Variants in AKAP6 observed in about 807,000 individuals in gnomAD.
AKAP6 encodes the protein A-kinase anchor protein 6.
A neutral mutation model predicts 188.5 loss-of-function variants in AKAP6; 58 were observed. The ratio of observed to expected loss-of-function variants is 0.31; its 90% CI spans 0.25 to 0.38. The LOEUF (loss-of-function observed/expected upper bound fraction) is 0.38. Among genes scored for constraint, AKAP6 ranks in the 10% least tolerant of loss-of-function variants. AKAP6 has a pLI of 1.00. For synonymous variants in AKAP6, 989 were observed against 998.6 expected (o/e 0.99, Z 0.18); for missense variants, 2,710 against 2,740.0 (o/e 0.99, Z 0.24).
rs1353470930 is a variant in AKAP6, at chr14:32,444,002, A to T, written c.324+10185A>T. On this transcript the variant is annotated intron_variant, in intron 2 of 13. Transcript: ENST00000280979. ...TTTTCTTGTCTGGAGCCAAGGCATG[A>T]TGGGAGGTATATACATATTATTGAG... Among the ~76,000 whole-genome samples, 4 of 152,144 alleles carry T rather than the reference A, an allele frequency of 2.6e-5. No individual in the cohort carries two copies. The South Asian group carries it at 8.3e-4, about 32-fold the overall frequency.
At chr14:32,709,708 C>T (rs1890960317) in intron 9 of AKAP6, among the ~76,000 whole-genome samples, 2 of 152,042 alleles carry the variant, frequency 1.3e-5, no homozygotes, top group African/African-American at 4.8e-5. Flanking sequence ...GTTTAACTCT[C>T]CCTTTCCTGA....
intron 1 of AKAP6, among the ~76,000 whole-genome samples, chr14:32,372,454 G>A (rs760799854): frequency 3.8e-4 from 58 of 151,962 alleles, no homozygotes; most frequent in Admixed American, 1.1e-3. Flanking sequence ...TAATGGGTAA[G>A]AAGTACTAGT....
intron 1 of AKAP6, among the ~76,000 whole-genome samples, chr14:32,361,077 A>C (rs1887648039): frequency 8.2e-6 from 1 of 121,776 alleles, no homozygotes; most frequent in Non-Finnish European, 1.8e-5. Flanking sequence ...TATATTTGAG[A>C]AGCTTTGGAG....
chr14:32,615,536 C>G (rs372119735), intron 7 of AKAP6, among the ~76,000 whole-genome samples: 21 of 150,138 alleles, frequency 1.4e-4, no homozygotes, highest in African/African-American at 4.4e-4. Flanking sequence ...ATTTCTCTAC[C>G]TATTGAATCT....
In AKAP6 at chr14:32,622,194, AT is replaced by A. The variant is rs140713759; in HGVS notation, c.2730+21403del. ...AGCTACTTACTGCTTCATAATTTTAATGTATGTCACCAATATTTTTAAATAA... is the reference window on the plus strand; with the variant it reads ...AGCTACTTACTGCTTCATAATTTTAAGTATGTCACCAATATTTTTAAATAA... On this transcript the variant is annotated intron_variant, in intron 7 of 13. Transcript: ENST00000280979. Among the ~76,000 whole-genome samples the A allele has an allele frequency of 6.4e-3, 967 of 152,256 alleles. 15 individuals are homozygous for A. The highest frequency in any genetic ancestry group is 0.022 in the African/African-American group (902 of 41,550).
chr14:32,441,473 T>C (rs1054171177), intron 2 of AKAP6, among the ~76,000 whole-genome samples: 9 of 152,214 alleles, frequency 5.9e-5, no homozygotes, highest in African/African-American at 2.2e-4. Context: ...CTCTTCCCCA[T>C]CCAATGCTGG....
chr14:32,354,158 C>T (rs1453494085), intron 1 of AKAP6, among the ~76,000 whole-genome samples: 1 of 152,034 alleles, frequency 6.6e-6, no homozygotes, highest in East Asian at 1.9e-4. Context: ...CAAGTCAATC[C>T]TAAGCCAAAA....
chr14:32,523,717 C>T (rs1371623011), intron 2 of AKAP6, among the ~76,000 whole-genome samples: 2 of 151,096 alleles, frequency 1.3e-5, no homozygotes, highest in African/African-American at 2.4e-5. Flanking sequence ...ATCTGCCGGC[C>T]TCAGCCTCTC....
At chr14:32,383,567 A>G (rs149765964) in intron 1 of AKAP6, among the ~76,000 whole-genome samples, 8 of 152,312 alleles carry the variant, frequency 5.3e-5, no homozygotes, top group African/African-American at 1.7e-4. Context: ...TGTAACATAT[A>G]TAAATTCAAC....
chr14:32,658,064 T>A (rs542867244), intron 7 of AKAP6, among the ~76,000 whole-genome samples: 34 of 152,252 alleles, frequency 2.2e-4, no homozygotes, highest in Non-Finnish European at 1.5e-5. Context: ...TTTGTGCTAG[T>A]CTGAGACCTC....
At chr14:32,735,061 G>C (rs1024252858) in intron 10 of AKAP6, among the ~76,000 whole-genome samples, 1 of 152,120 alleles carries the variant, frequency 6.6e-6, no homozygotes, top group South Asian at 2.1e-4. Flanking sequence ...AAAATGGAAA[G>C]AATTGTGGGA....
At position 32,764,827 on chromosome 14, in the gene AKAP6, C is replaced by T. The variant is rs368161324; in HGVS notation, c.3373-8851C>T. On this transcript the variant is annotated intron_variant, in intron 11 of 13. Coordinates refer to ENST00000280979, the MANE Select transcript of AKAP6 (RefSeq NM_004274.5). Reference sequence around the variant, plus strand: ...AATATACAAAAAATGTTGGTCATTACTGCTGGAGATTAGTGAAAATAACCA... The same window carrying T: ...AATATACAAAAAATGTTGGTCATTATTGCTGGAGATTAGTGAAAATAACCA... 5.9e-5 allele frequency among the ~76,000 whole-genome samples: 9 copies of T among 152,060 alleles called. No homozygotes were observed. In the South Asian group the frequency reaches 1.9e-3, roughly 32 times the overall value.
chr14:32,800,810 T>A, intron 12 of AKAP6, among the ~76,000 whole-genome samples: 1 of 151,988 alleles, frequency 6.6e-6, no homozygotes, highest in Non-Finnish European at 1.5e-5. Context: ...AGCTCAGAAA[T>A]TCGAGACCAA....
At chr14:32,348,417 C>CTTTTTTTTTTTTT (rs71115063) in intron 1 of AKAP6, among the ~76,000 whole-genome samples, 2 of 126,164 alleles carry the variant, frequency 1.6e-5, no homozygotes, top group Non-Finnish European at 3.2e-5. Flanking sequence ...TCTTTTGTTT[C>CTTTTTTTTTTTTT]TTTTTTTTTT....
intron 11 of AKAP6, among the ~76,000 whole-genome samples, chr14:32,770,407 C>T (rs576955075): frequency 6.6e-6 from 1 of 152,130 alleles, no homozygotes; most frequent in East Asian, 1.9e-4. Flanking sequence ...TTTTGTTTCC[C>T]TCTTCTTTAT....
intron 7 of AKAP6, among the ~76,000 whole-genome samples, chr14:32,624,456 A>C (rs1409194490): frequency 6.6e-6 from 1 of 152,160 alleles, no homozygotes; most frequent in Non-Finnish European, 1.5e-5. Flanking sequence ...GCAGTCTCCT[A>C]AAGAGAAAAT....
intron 5 of AKAP6, among the ~76,000 whole-genome samples, chr14:32,588,905 CT>C (rs1885365813): frequency 6.6e-6 from 1 of 152,188 alleles, no homozygotes; most frequent in African/African-American, 2.4e-5. Flanking sequence ...CAATATACTT[CT>C]TACAGAGTTT....
At position 32,510,451 on chromosome 14, in the gene AKAP6, C is replaced by T. The variant is rs796665309; in HGVS notation, c.325-25103C>T. ...ATATATATATGTGTATATATATATA[C>T]ATATATATGTGTATATATATATATA... is the stretch of plus-strand genomic sequence containing the variant. On this transcript the variant is annotated intron_variant, in intron 2 of 13. Transcript: ENST00000280979. Among the ~76,000 whole-genome samples, 97 of 35,746 alleles carry T rather than the reference C, an allele frequency of 2.7e-3. 2 individuals are homozygous for T. The highest frequency in any genetic ancestry group is 0.012 in the South Asian group (24 of 1,946). 23.5% of individuals were successfully genotyped at this position (35,746 alleles called of 152,430 possible). A position where few individuals can be genotyped will look rare whatever the true frequency, so the allele number is the denominator to read the frequency against.
At chr14:32,815,965 C>G (rs1259150991) in intron 12 of AKAP6, among the ~76,000 whole-genome samples, 1 of 152,200 alleles carries the variant, frequency 6.6e-6, no homozygotes, top group African/African-American at 2.4e-5. Flanking sequence ...ATCCAGGATT[C>G]AAACCCAAAC....
Sources: gnomAD v4.1 joint callset for allele counts (sites outside exome capture counted in the v4.1 genomes callset) on GRCh38, gnomAD v4.1.1 for gene constraint, MANE v1.5 for transcripts, NCBI Gene and HGNC (gene_info 2026-07-23, HGNC 2026-07-21) for gene names.